NRG1: variants seen among roughly 807,000 people sequenced by gnomAD.
The protein encoded by NRG1 is pro-neuregulin-1, membrane-bound isoform.
In NRG1, 18 loss-of-function variants were observed where a neutral mutation model predicts 63.8. That is an observed-to-expected ratio of 0.28 (90% CI 0.19 to 0.42). NRG1 has a LOEUF of 0.42. NRG1 is among the 10% of genes least tolerant of loss of function. NRG1 has a pLI of 1.00. For synonymous variants in NRG1, 302 were observed against 301.3 expected, an observed-to-expected ratio of 1.00 and a Z score of -0.02; for missense variants, 762 against 814.7, an observed-to-expected ratio of 0.94 and a Z score of 0.79.
At chr8:32,066,483 A>C (rs1824837708) in intron 1 of NRG1, among the ~76,000 whole-genome samples, 1 of 152,146 alleles carries the variant, frequency 6.6e-6, no homozygotes, top group Non-Finnish European at 1.5e-5. Context: ...GGTTTGTCAA[A>C]GATCAGATAG....
chr8:32,179,222 G>A (rs890549127), intron 1 of NRG1, among the ~76,000 whole-genome samples: 1 of 150,716 alleles, frequency 6.6e-6, no homozygotes, highest in Non-Finnish European at 1.5e-5. Context: ...AAGTAGGAGG[G>A]AGTGCCTATA....
At chr8:32,017,047 A>G (rs1450539609) in intron 1 of NRG1, among the ~76,000 whole-genome samples, 2 of 152,256 alleles carry the variant, frequency 1.3e-5, no homozygotes, top group African/African-American at 2.4e-5. Flanking sequence ...AAGATGTTAA[A>G]GCATCAAAAC....
intron 1 of NRG1, among the ~76,000 whole-genome samples, chr8:32,104,796 T>G (rs1202924872): frequency 1.3e-5 from 2 of 152,152 alleles, no homozygotes; most frequent in Non-Finnish European, 2.9e-5. Context: ...CATCTTGTCC[T>G]ACTGGAAGGT....
chr8:31,734,074 C>T (rs1814401142), intron 1 of NRG1, among the ~76,000 whole-genome samples: 1 of 152,090 alleles, frequency 6.6e-6, no homozygotes, highest in South Asian at 2.1e-4. Context: ...TGGGCAGTGG[C>T]TCATGCATGT....
chr8:32,734,148 A>G (rs554389097), intron 6 of NRG1, among the ~76,000 whole-genome samples: 1 of 152,332 alleles, frequency 6.6e-6, no homozygotes, highest in South Asian at 2.1e-4. Context: ...ACAGGCTAGA[A>G]GAAGTCTGGG....
intron 1 of NRG1, among the ~76,000 whole-genome samples, chr8:32,457,619 T>C (rs1821763238): frequency 6.6e-6 from 1 of 152,230 alleles, no homozygotes; most frequent in African/African-American, 2.4e-5. Context: ...AATCTTTTCT[T>C]TTGAACTGAA....
At chr8:32,325,379 T>G (rs1312621154) in intron 1 of NRG1, among the ~76,000 whole-genome samples, 2 of 152,120 alleles carry the variant, frequency 1.3e-5, no homozygotes, top group Admixed American at 6.6e-5. Context: ...AAAAAATTTT[T>G]TTGTTGTTGT....
intron 1 of NRG1, among the ~76,000 whole-genome samples, chr8:31,797,332 C>T (rs1821322651): frequency 6.6e-6 from 1 of 152,062 alleles, no homozygotes; most frequent in South Asian, 2.1e-4. Flanking sequence ...ATTTTTTTCT[C>T]TTGTTCCTTA....
At chr8:31,678,890 G>A (rs1440258922) in intron 1 of NRG1, among the ~76,000 whole-genome samples, 1 of 151,066 alleles carries the variant, frequency 6.6e-6, no homozygotes, top group Non-Finnish European at 1.5e-5. Context: ...TGGTTATAAT[G>A]TTTTTAACTG....
chr8:32,570,926 T>A (rs1043524297), intron 1 of NRG1, among the ~76,000 whole-genome samples: 52 of 152,312 alleles, frequency 3.4e-4, no homozygotes, highest in African/African-American at 1.2e-3. Context: ...AGAAAGTTAA[T>A]CTGAGCCAAA....
At chr8:32,496,595 A>AAAATT (rs1159119064) in intron 1 of NRG1, among the ~76,000 whole-genome samples, 2 of 151,576 alleles carry the variant, frequency 1.3e-5, no homozygotes, top group Admixed American at 1.3e-4. Flanking sequence ...GTCTCAAAAT[A>AAAATT]AAATAAAATA....
intron 5 of NRG1, among the ~76,000 whole-genome samples, chr8:32,693,844 G>C (rs546968201): frequency 6.6e-6 from 1 of 152,110 alleles, no homozygotes; most frequent in Non-Finnish European, 1.5e-5. Flanking sequence ...TCGTTCCCTT[G>C]TTCCTACATA....
intron 1 of NRG1, among the ~76,000 whole-genome samples, chr8:32,176,433 T>C (rs1002547871): frequency 1.8e-4 from 28 of 152,100 alleles, no homozygotes; most frequent in Non-Finnish European, 3.5e-4. Context: ...ACTTCATGTC[T>C]AAAACACCAA....
At chr8:31,910,892 C>T (rs1000555554) in intron 1 of NRG1, among the ~76,000 whole-genome samples, 2 of 152,138 alleles carry the variant, frequency 1.3e-5, no homozygotes, top group African/African-American at 4.8e-5. Flanking sequence ...GATTTGAATG[C>T]TGCTGAGAAG....
chr8:31,832,994 G>A (rs560206579), intron 1 of NRG1, among the ~76,000 whole-genome samples: 2 of 152,178 alleles, frequency 1.3e-5, no homozygotes, highest in Admixed American at 6.5e-5. Flanking sequence ...GCAAAGATAC[G>A]GTGTTCCAGC....
Position 31,876,062 on chromosome 8 carries a change from C to G in NRG1, c.37+236631C>G, listed in dbSNP as rs71521614. Among the ~76,000 whole-genome samples the G allele has an allele frequency of 9.0e-4, 123 of 136,908 alleles. No homozygotes were observed. In the Middle Eastern group the frequency reaches 0.015, roughly 17 times the overall value. 89.8% of individuals were successfully genotyped at this position (136,908 alleles called of 152,430 possible). A position where few individuals can be genotyped will look rare whatever the true frequency, so the allele number is the denominator to read the frequency against. ...ACAAACAAACAAACAAACAAACAAA[C>G]AAACAATTGGAAGAAATGAATTGAT... On this transcript the variant is annotated intron_variant, in intron 1 of 10. Coordinates refer to the NRG1 transcript ENST00000519301.
At chr8:32,140,001 C>A (rs967227149) in intron 1 of NRG1, among the ~76,000 whole-genome samples, 6 of 152,124 alleles carry the variant, frequency 3.9e-5, no homozygotes. Context: ...TTCAAGGCCA[C>A]AGATGCAGTG....
chr8:32,462,898 C>G lies in NRG1; in HGVS notation c.38-132930C>G, dbSNP rs187442784. On this transcript the variant is annotated intron_variant, in intron 1 of 10. Coordinates refer to the NRG1 transcript ENST00000519301. ...GGATTACAGGAGTGAGCCACCATGC[C>G]TGGCCTAGACATACAGATTCTACAT... Among the ~76,000 whole-genome samples, 587 of 152,206 alleles carry G rather than the reference C, an allele frequency of 3.9e-3. 6 individuals are homozygous for G. Among genetic ancestry groups the G allele is most frequent in the African/African-American group, 0.014 (561 of 41,546 alleles).
intron 1 of NRG1, among the ~76,000 whole-genome samples, chr8:32,395,122 C>G (rs1346696653): frequency 6.6e-6 from 1 of 152,124 alleles, no homozygotes; most frequent in Non-Finnish European, 1.5e-5. Flanking sequence ...TTTTTCACGT[C>G]CCCTTCCTGT....
Sources: allele counts gnomAD v4.1 joint callset (sites outside exome capture counted in the v4.1 genomes callset), GRCh38; gene constraint gnomAD v4.1.1; transcripts MANE v1.5; gene names NCBI Gene and HGNC (gene_info 2026-07-23, HGNC 2026-07-21).